The following ABCB1 variants were observed in gnomAD, a reference collection of about 807,000 sequenced individuals.
ABCB1 encodes the protein ATP-dependent translocase ABCB1.
A neutral mutation model predicts 142.0 loss-of-function variants in ABCB1; 69 were observed. The observed-to-expected ratio is 0.49, with a 90% CI of 0.40 to 0.59. The LOEUF (loss-of-function observed/expected upper bound fraction) is 0.59, where lower values mean the gene tolerates loss of function less well. ABCB1 is among the 20% of genes least tolerant of loss of function. The pLI, the probability that ABCB1 is intolerant of heterozygous loss-of-function variation, is 0.00. For synonymous variants in ABCB1, 532 were observed against 539.2 expected, an observed-to-expected ratio of 0.99 and a Z score of 0.18; for missense variants, 1,326 against 1,554.7, an observed-to-expected ratio of 0.85 and a Z score of 2.47.
At chr7:87,544,361 T>A in intron 16 of ABCB1, 86 bp from the exon 17 acceptor site, 1 of 1,312,352 alleles carries the variant, frequency 7.6e-7, no homozygotes, top group Non-Finnish European at 1.1e-6. Flanking sequence ...AGTAAAGGAA[T>A]ATATCCTATC....
intron 24 of ABCB1, 148 bp downstream of exon 24, chr7:87,516,361 A>G (rs1815248561): frequency 1.0e-6 from 1 of 965,544 alleles, no homozygotes; most frequent in African/African-American, 1.6e-5. Context: ...GATGTATATT[A>G]TTAGCAGTAA....
intron 22 of ABCB1, among the ~76,000 whole-genome samples, chr7:87,520,188 T>A (rs761967957): frequency 1.4e-4 from 21 of 151,292 alleles, no homozygotes; most frequent in Non-Finnish European, 2.5e-4. Flanking sequence ...TTCAAATAAT[T>A]TTTTTTTAGA....
At chr7:87,545,082 G>A in intron 15 of ABCB1, 83 bp from the exon 16 acceptor site, 1 of 1,285,264 alleles carries the variant, frequency 7.8e-7, no homozygotes, top group Non-Finnish European at 1.1e-6. Flanking sequence ...CAGCTATCAA[G>A]GAAAACAGCA....
In ABCB1 at chr7:87,503,813, C is replaced by A; in HGVS notation, c.*430G>T. The stretch of plus-strand genomic sequence containing the variant: ...TAAAGCAGAAGTTATCTACAATATT[C>A]CAATTGAGAGAAGATATATTCACAG... On this transcript the variant is annotated 3_prime_UTR_variant, in exon 28 of 28. Coordinates refer to ENST00000622132, the MANE Select transcript of ABCB1 (RefSeq NM_001348946.2). 1 of 221,562 alleles carries A rather than the reference C, an allele frequency of 4.5e-6. No homozygotes were observed. The highest frequency in any genetic ancestry group is 9.1e-6 in the Non-Finnish European group (1 of 110,054). The allele number at this position is 221,562 out of a possible 1,614,324, so 13.7% of individuals were successfully genotyped here.
intron 1 of ABCB1, among the ~76,000 whole-genome samples, chr7:87,679,148 A>G (rs1826672154): frequency 7.6e-6 from 1 of 131,178 alleles, no homozygotes; most frequent in South Asian, 2.4e-4. Flanking sequence ...GCTGGAGTGC[A>G]GTGGCGCGAT....
intron 1 of ABCB1, among the ~76,000 whole-genome samples, chr7:87,686,475 C>T (rs1277275159): frequency 2.0e-5 from 3 of 152,088 alleles, no homozygotes; most frequent in Admixed American, 6.6e-5. Context: ...TTTAAAATGT[C>T]ATCTGTGACT....
At chr7:87,654,303 G>A (rs986582959) in intron 1 of ABCB1, among the ~76,000 whole-genome samples, 3 of 151,970 alleles carry the variant, frequency 2.0e-5, no homozygotes, top group African/African-American at 7.2e-5. Flanking sequence ...AACAAAGCTG[G>A]AGGCATCAAA....
chr7:87,628,215 G>T (rs1820795921), intron 1 of ABCB1, among the ~76,000 whole-genome samples: 2 of 152,332 alleles, frequency 1.3e-5, no homozygotes, highest in African/African-American at 4.8e-5. Context: ...CTAGCGGGCT[G>T]CGAAAGCGAG....
At chr7:87,676,785 A>G (rs1011843094) in intron 1 of ABCB1, among the ~76,000 whole-genome samples, 2 of 152,024 alleles carry the variant, frequency 1.3e-5, no homozygotes, top group Admixed American at 1.3e-4. Context: ...GCCTTATCTT[A>G]AAATCACTCA....
At chr7:87,545,162 CTG>C (rs1042567834) in intron 15 of ABCB1, among the ~76,000 whole-genome samples, 163 bp from the exon 16 acceptor site, 2 of 151,374 alleles carry the variant, frequency 1.3e-5, no homozygotes, top group Non-Finnish European at 1.5e-5. Flanking sequence ...CTGTGTGTGT[CTG>C]TGTGTGTGTG....
At chr7:87,625,100 C>CA (rs1820361283) in intron 1 of ABCB1, among the ~76,000 whole-genome samples, 3 of 151,938 alleles carry the variant, frequency 2.0e-5, no homozygotes, top group African/African-American at 4.8e-5. Context: ...ACTAAAAATA[C>CA]AAAAAAATTA....
At chr7:87,530,253 G>A (rs1162169118) in intron 21 of ABCB1, among the ~76,000 whole-genome samples, 1 of 152,150 alleles carries the variant, frequency 6.6e-6, no homozygotes, top group Non-Finnish European at 1.5e-5. Flanking sequence ...GTTAGTTATG[G>A]CAGTCAGCCC....
At chr7:87,704,807 T>C (rs1344388051) in intron 1 of ABCB1, among the ~76,000 whole-genome samples, 1 of 152,188 alleles carries the variant, frequency 6.6e-6, no homozygotes, top group Non-Finnish European at 1.5e-5. Context: ...TCTTTATTCA[T>C]TGCAATGAAA....
chr7:87,647,085 T>G (rs1823080274), intron 1 of ABCB1, among the ~76,000 whole-genome samples: 1 of 152,216 alleles, frequency 6.6e-6, no homozygotes, highest in African/African-American at 2.4e-5. Context: ...TGAGTGATTA[T>G]ATTTTCCATT....
chr7:87,542,505 A>C (rs1018258967), intron 17 of ABCB1, among the ~76,000 whole-genome samples: 3 of 152,240 alleles, frequency 2.0e-5, no homozygotes, highest in Middle Eastern at 3.2e-3. Context: ...TCAATGAGGC[A>C]GATGTCTGGT....
intron 21 of ABCB1, among the ~76,000 whole-genome samples, chr7:87,530,108 G>A: frequency 6.6e-6 from 1 of 152,196 alleles, no homozygotes; most frequent in East Asian, 1.9e-4. Context: ...ACCAACATCT[G>A]GGGCCTTCTT....
intron 1 of ABCB1, among the ~76,000 whole-genome samples, chr7:87,619,445 A>G (rs28381771): frequency 0.031 from 4,716 of 151,880 alleles, 75 homozygotes; most frequent in Middle Eastern, 0.048. Context: ...AGGCTGAGGC[A>G]GGAGAATCAC....
Position 87,549,379 on chromosome 7 carries a change from C to T in ABCB1, c.1694G>A (p.Ser565Asn), listed in dbSNP as rs1177169246. 1.2e-6 allele frequency: 2 copies of T among 1,614,066 alleles called. No individual in the cohort carries two copies. The highest frequency in any genetic ancestry group is 1.7e-6 in the Non-Finnish European group (2 of 1,180,036). The part of the protein sequence containing the change: ...DEATSALDTE[S>N]EAVVQVALDK... ...CAGAGCCACCTGAACCACTGCTTCGCTTTCTGTGTCCAAGGCTGACGTGGC... is the reference window on the plus strand; with the variant it reads ...CAGAGCCACCTGAACCACTGCTTCGTTTTCTGTGTCCAAGGCTGACGTGGC... Residue 565 changes from serine to asparagine, a missense_variant, in exon 14 of 28, where the codon AGC becomes AAC. By Grantham distance (46) the Ser-to-Asn change is conservative. Coordinates refer to ENST00000622132, the MANE Select transcript of ABCB1 (RefSeq NM_001348946.2).
intron 1 of ABCB1, among the ~76,000 whole-genome samples, chr7:87,633,870 A>G (rs1821473253): frequency 6.6e-6 from 1 of 152,160 alleles, no homozygotes; most frequent in African/African-American, 2.4e-5. Flanking sequence ...TTGTGTTGCT[A>G]TAAAGGAATA....
Sources: gnomAD v4.1 joint callset for allele counts (sites outside exome capture counted in the v4.1 genomes callset) on GRCh38, gnomAD v4.1.1 for gene constraint, MANE v1.5 for transcripts, NCBI Gene and HGNC (gene_info 2026-07-23, HGNC 2026-07-21) for gene names.